Variants in ACMSD observed in about 807,000 individuals in gnomAD.
The protein encoded by ACMSD is aminocarboxymuconate semialdehyde decarboxylase.
A neutral mutation model predicts 45.9 loss-of-function variants in ACMSD; 37 were observed. That is an observed-to-expected ratio of 0.81 (90% CI 0.62 to 1.06). The LOEUF is 1.06. Among genes scored for constraint, ACMSD ranks in the 50% least tolerant of loss-of-function variants. ACMSD has a pLI of 0.00. For synonymous variants in ACMSD, 138 were observed against 148.8 expected (o/e 0.93, Z 0.53); for missense variants, 434 against 420.9 (o/e 1.03, Z -0.27).
chr2:134,896,138 C>A lies in ACMSD; in HGVS notation c.850-2203C>A, dbSNP rs980291863. Among the ~76,000 whole-genome samples, 2 of 152,132 alleles carry A rather than the reference C, an allele frequency of 1.3e-5. 1 individual carries two copies. Among genetic ancestry groups the A allele is most frequent in the South Asian group, 4.2e-4 (2 of 4,818 alleles). The stretch of plus-strand genomic sequence containing the variant: ...AATAAAGTTGGACTCCTTCTTTACA[C>A]CATGCAAATTAACTCAAAATGGATC... On this transcript the variant is annotated intron_variant, in intron 8 of 9. Transcript: ENST00000356140.
intron 1 of ACMSD, among the ~76,000 whole-genome samples, chr2:134,841,865 G>A (rs1686821053): frequency 6.6e-6 from 1 of 152,228 alleles, no homozygotes; most frequent in East Asian, 1.9e-4. Flanking sequence ...ATCGATATAA[G>A]GCTTTAGAAG....
intron 8 of ACMSD, among the ~76,000 whole-genome samples, chr2:134,895,533 C>A (rs1353827682): frequency 6.7e-6 from 1 of 149,012 alleles, no homozygotes; most frequent in East Asian, 2.0e-4. Flanking sequence ...TTTTTTTTGG[C>A]AAAAATTGAT....
rs144120490 is a variant in ACMSD at position 134,858,363 on chromosome 2, G to A, written c.103-898G>A. On this transcript the variant is annotated intron_variant, in intron 2 of 9. Transcript: ENST00000356140. ...ATCAAGAAAAATGGTGGTTACCACAGGCTGAAGGGGTGGGGAGAGATTGAG... is the reference window on the plus strand; with the variant it reads ...ATCAAGAAAAATGGTGGTTACCACAAGCTGAAGGGGTGGGGAGAGATTGAG... Among the ~76,000 whole-genome samples, 252 of 152,292 alleles carry A rather than the reference G, an allele frequency of 1.7e-3. 2 individuals carry two copies. The East Asian group carries it at 0.044, about 26-fold the overall frequency.
intron 2 of ACMSD, among the ~76,000 whole-genome samples, chr2:134,851,943 G>A (rs1486612252): frequency 6.6e-6 from 1 of 152,054 alleles, no homozygotes; most frequent in Non-Finnish European, 1.5e-5. Context: ...CAGTTTGGTG[G>A]GTATTTACTT....
At chr2:134,874,110 C>A (rs969874067) in intron 8 of ACMSD, among the ~76,000 whole-genome samples, 4 of 152,188 alleles carry the variant, frequency 2.6e-5, no homozygotes, top group Non-Finnish European at 5.9e-5. Flanking sequence ...GGGACAGGAG[C>A]AGAAGAGGAA....
intron 6 of ACMSD, among the ~76,000 whole-genome samples, chr2:134,868,417 T>C (rs963032300): frequency 1.3e-5 from 2 of 151,622 alleles, no homozygotes; most frequent in Non-Finnish European, 2.9e-5. Context: ...AATGAAAACT[T>C]GGTCCCCAAA....
chr2:134,879,073 G>A (rs147217358), intron 8 of ACMSD, among the ~76,000 whole-genome samples: 3 of 152,100 alleles, frequency 2.0e-5, no homozygotes, highest in East Asian at 1.9e-4. Context: ...CTATTTTTCT[G>A]ATTATGCCCT....
intron 1 of ACMSD, among the ~76,000 whole-genome samples, chr2:134,838,949 C>T (rs1256776123): frequency 6.6e-6 from 1 of 152,070 alleles, no homozygotes; most frequent in Non-Finnish European, 1.5e-5. Context: ...TAAGTGCTTT[C>T]TCAGAAACCC....
In ACMSD at chr2:134,890,988, G is replaced by A. The variant is rs73962633; in HGVS notation, c.850-7353G>A. Among the ~76,000 whole-genome samples the A allele has an allele frequency of 3.1e-3, 474 of 152,028 alleles. 1 individual carries two copies. Among genetic ancestry groups the A allele is most frequent in the African/African-American group, 0.011 (443 of 41,522 alleles). On this transcript the variant is annotated intron_variant, in intron 8 of 9. Transcript: ENST00000356140. The stretch of plus-strand genomic sequence containing the variant: ...TTTTTAATGGGGTTATTTGTGTGGT[G>A]TTTTTTGCTGAGTTCTTTGAGCTCC...
At chr2:134,862,922 A>G (rs1687912541) in intron 4 of ACMSD, 2 of 977,602 alleles carry the variant, frequency 2.0e-6, no homozygotes, top group South Asian at 9.5e-5. Context: ...CACAGCCAAC[A>G]AGAAGGACAG....
intron 2 of ACMSD, among the ~76,000 whole-genome samples, chr2:134,847,424 A>ATAGATAGAT (rs975043918): frequency 6.6e-6 from 1 of 151,772 alleles, no homozygotes; most frequent in African/African-American, 2.4e-5. Flanking sequence ...AGATAGATAG[A>ATAGATAGAT]TAGATAGATA....
chr2:134,855,175 G>T (rs921411252), intron 2 of ACMSD, among the ~76,000 whole-genome samples: 1 of 152,152 alleles, frequency 6.6e-6, no homozygotes. Flanking sequence ...AATCATTAGT[G>T]TAAGAAGAAA....
chr2:134,881,403 CTG>C (rs1689029668), intron 8 of ACMSD, among the ~76,000 whole-genome samples: 1 of 152,188 alleles, frequency 6.6e-6, no homozygotes, highest in African/African-American at 2.4e-5. Flanking sequence ...AGGAGCAACA[CTG>C]TCAGTTTTTA....
At chr2:134,883,866 G>C (rs1040381779) in intron 8 of ACMSD, among the ~76,000 whole-genome samples, 1 of 152,184 alleles carries the variant, frequency 6.6e-6, no homozygotes, top group African/African-American at 2.4e-5. Flanking sequence ...ACTCAATAGA[G>C]TATGTGACCT....
At chr2:134,867,844 T>TAA (rs536639341) in intron 6 of ACMSD, 172 bp downstream of exon 6, 466 of 383,436 alleles carry the variant, frequency 1.2e-3, no homozygotes, top group Middle Eastern at 3.5e-3. Flanking sequence ...TATATATATA[T>TAA]AACCTCATTT....
intron 5 of ACMSD, among the ~76,000 whole-genome samples, chr2:134,865,515 T>C (rs1485443004): frequency 6.6e-6 from 1 of 152,220 alleles, no homozygotes; most frequent in Non-Finnish European, 1.5e-5. Context: ...CTGGGCTGTT[T>C]TGAGGACATC....
At chr2:134,854,551 CCT>C (rs779685655) in intron 2 of ACMSD, among the ~76,000 whole-genome samples, 121 of 152,288 alleles carry the variant, frequency 7.9e-4, no homozygotes, top group African/African-American at 1.7e-3. Context: ...AGACAACACC[CCT>C]GTCTACAGGT....
rs1359506829 is a variant in ACMSD, at chr2:134,876,270, T to C, written c.849+3629T>C. Among the ~76,000 whole-genome samples the C allele has an allele frequency of 2.6e-5, 4 of 152,340 alleles. No individual in the cohort carries two copies. The East Asian group carries it at 7.7e-4, about 29-fold the overall frequency. ...TTTAAAAATTTTCTTTCTTCAATAA[T>C]AAATTAAATTTAGCTTACTGTAACT... On this transcript the variant is annotated intron_variant, in intron 8 of 9. Transcript: ENST00000356140.
intron 1 of ACMSD, among the ~76,000 whole-genome samples, chr2:134,842,923 C>T (rs968330457): frequency 3.9e-5 from 6 of 152,110 alleles, no homozygotes; most frequent in Non-Finnish European, 7.4e-5. Flanking sequence ...TCTCTACCTG[C>T]TAACATATGG....
Sources: gnomAD v4.1 joint callset for allele counts (sites outside exome capture counted in the v4.1 genomes callset) on GRCh38, gnomAD v4.1.1 for gene constraint, MANE v1.5 for transcripts, NCBI Gene and HGNC (gene_info 2026-07-23, HGNC 2026-07-21) for gene names.